Variants in TSC2 observed in about 807,000 individuals in gnomAD.
The protein encoded by TSC2 is TSC complex subunit 2, also known as tuberin.
Under a neutral mutation model 202.2 loss-of-function variants are expected in TSC2, and 29 were observed. The ratio of observed to expected loss-of-function variants is 0.14; its 90% confidence interval spans 0.11 to 0.20. The LOEUF (loss-of-function observed/expected upper bound fraction) is 0.20. Ranked by LOEUF, TSC2 falls within the 10% of genes least tolerant of loss-of-function variation. The pLI, the probability that TSC2 is intolerant of heterozygous loss-of-function variation, is 1.00. For missense variants in TSC2, 2,429 were observed against 2,420.0 expected (o/e 1.00, Z -0.08); for synonymous variants, 1,349 against 1,044.0 (o/e 1.29, Z -5.63).
intron 21 of TSC2, 29 bp downstream of exon 21, chr16:2,073,012 T>C: frequency 6.2e-7 from 1 of 1,613,014 alleles, no homozygotes; most frequent in Non-Finnish European, 8.5e-7. Context: ...ACAGGCGAGC[T>C]TGATGGGGCC....
intron 14 of TSC2, 179 bp from the exon 15 acceptor site, chr16:2,064,093 G>A: frequency 1.0e-6 from 1 of 971,974 alleles, no homozygotes; most frequent in Non-Finnish European, 1.6e-6. Context: ...AGGATCCCTG[G>A]AAGGGGCCCC....
At chr16:2,059,338 CTTT>C (rs1180610775) in intron 10 of TSC2, among the ~76,000 whole-genome samples, 3 of 124,692 alleles carry the variant, frequency 2.4e-5, no homozygotes, top group Non-Finnish European at 5.1e-5. Flanking sequence ...TTCTCTCTCT[CTTT>C]TTTTTTTTTT....
rs768160843 is a variant in TSC2, at chr16:2,083,744, G to T, written c.3933G>T (p.Leu1311=). The T allele has an allele frequency of 1.5e-5, 24 of 1,606,708 alleles. No individual in the cohort carries two copies. Among genetic ancestry groups the T allele is most frequent in the Non-Finnish European group, 2.0e-5 (23 of 1,177,778 alleles). The change falls in exon 33 of 42, where the codon CTG becomes CTT. Residue 1311 remains leucine (L), a synonymous_variant. Coordinates refer to ENST00000219476, the MANE Select transcript of TSC2 (RefSeq NM_000548.5). ...GAAGTCCGGGCGAGGTTCCTGTGCT[G>T]GTGGAGCCCCCAGGGTTGGAGGACG... is the stretch of plus-strand genomic sequence containing the variant. ...EEGSPGEVPV[L]VEPPGLEDVE...
chr16:2,067,955 C>G (rs548042416), intron 16 of TSC2, among the ~76,000 whole-genome samples: 67 of 152,184 alleles, frequency 4.4e-4, no homozygotes, highest in Admixed American at 7.2e-4. Flanking sequence ...TTACTTGGAA[C>G]TCCAGCCCTG....
intron 5 of TSC2, chr16:2,054,698 T>G: frequency 1.8e-6 from 1 of 556,604 alleles, no homozygotes; most frequent in Non-Finnish European, 3.2e-6. Flanking sequence ...CGAACACCTC[T>G]GCAACGGCAG....
intron 20 of TSC2, chr16:2,072,564 G>T (rs192900837): frequency 8.0e-6 from 7 of 874,952 alleles, no homozygotes; most frequent in African/African-American, 5.1e-5. Context: ...TGGGACTGAC[G>T]TCAGAGGTCC....
intron 3 of TSC2, among the ~76,000 whole-genome samples, chr16:2,051,934 G>A (rs1056260288): frequency 1.3e-5 from 2 of 152,026 alleles, no homozygotes; most frequent in African/African-American, 4.8e-5. Context: ...GCATGGTGTC[G>A]GGCACCTGTA....
chr16:2,074,203 G>A lies in TSC2; in HGVS notation c.2359G>A (p.Glu787Lys), dbSNP rs45517231. ...HNYLDKTKQR[E>K]MVYCLEQGLI... Reference sequence around the variant, plus strand: ...TGAGGTGTCCTGTCTCCTGCAGCGCGAGATGGTCTACTGCCTGGAGCAGGG... The same window carrying A: ...TGAGGTGTCCTGTCTCCTGCAGCGCAAGATGGTCTACTGCCTGGAGCAGGG... The change falls in exon 22 of 42, where the codon GAG becomes AAG. Residue 787 changes from glutamate to lysine, a missense_variant. Coordinates refer to ENST00000219476, the MANE Select transcript of TSC2 (RefSeq NM_000548.5). 2 of 1,611,246 alleles carry A rather than the reference G, an allele frequency of 1.2e-6. No homozygotes were observed. Among genetic ancestry groups the A allele is most frequent in the East Asian group, 2.2e-5 (1 of 44,890 alleles).
chr16:2,062,101 CA>C, intron 12 of TSC2, 93 bp downstream of exon 12: 2 of 1,573,282 alleles, frequency 1.3e-6, no homozygotes, highest in Non-Finnish European at 1.7e-6. Context: ...CCTCAGAAGC[CA>C]AGGGCCAGGT....
chr16:2,086,169 C>T lies in TSC2; in HGVS notation c.4663-24C>T, dbSNP rs374737115. On this transcript the variant is annotated intron_variant, in intron 36 of 41. Transcript: ENST00000219476. ...GGGCCCGGCCCGGGAGTGATGCCACCCTGCCTCTCCCCTCTCCCCACAGAG... is the reference window on the plus strand; with the variant it reads ...GGGCCCGGCCCGGGAGTGATGCCACTCTGCCTCTCCCCTCTCCCCACAGAG... 21 of 1,612,116 alleles carry T rather than the reference C, an allele frequency of 1.3e-5. No individual in the cohort carries two copies. In the African/African-American group the frequency reaches 2.1e-4, roughly 16 times the overall value.
chr16:2,082,540 G>A lies in TSC2; in HGVS notation c.3883+36G>A, dbSNP rs2090273102. ...TCAGAGGGAAGCGGTTGGCTGCAGA[G>A]CGCCACTCTGCCTCATAGGTGCTGT... On this transcript the variant is annotated intron_variant, in intron 32 of 41. Coordinates refer to ENST00000219476, the MANE Select transcript of TSC2 (RefSeq NM_000548.5). The A allele has an allele frequency of 2.5e-6, 4 of 1,603,782 alleles. No homozygotes were observed. The South Asian group carries it at 3.3e-5, about 13-fold the overall frequency.
chr16:2,076,390 G>A (rs923888099), intron 24 of TSC2, 101 bp from the exon 25 acceptor site: 2 of 1,587,828 alleles, frequency 1.3e-6, no homozygotes, highest in African/African-American at 2.7e-5. Context: ...CTTGCCCCTA[G>A]CCTGCAGCTT....
intron 22 of TSC2, chr16:2,074,631 C>G (rs1429772140): frequency 1.7e-6 from 1 of 579,726 alleles, no homozygotes; most frequent in Non-Finnish European, 3.1e-6. Context: ...AGCCTCTTCC[C>G]CCCCGAGCAG....
intron 16 of TSC2, chr16:2,068,468 A>C (rs2087715656): frequency 6.6e-6 from 1 of 152,248 alleles, no homozygotes; most frequent in Admixed American, 6.5e-5. Flanking sequence ...AAACTTTACC[A>C]ACAGCCCTCT....
In TSC2 at chr16:2,072,880, G is replaced by A. The variant is rs749593050; in HGVS notation, c.2252G>A (p.Arg751Gln). 6.8e-6 allele frequency: 11 copies of A among 1,613,452 alleles called. No individual in the cohort carries two copies. The highest frequency in any genetic ancestry group is 5.0e-5 in the Admixed American group (3 of 60,004). Residue 751 changes from arginine (R) to glutamine (Q), a missense_variant, in exon 21 of 42, where the codon CGA becomes CAA. Transcript: ENST00000219476. ...LSGPKTLERL[R>Q]GAPEGFSRTD... ...GGCCCAAAGACACTGGAGCGGCTCC[G>A]AGGCGCCCCAGAAGGCTTCTCCAGA...
At position 2,089,091 on chromosome 16, in the gene TSC2, C is replaced by CA. The variant is rs1420343599; in HGVS notation, c.*482dup. On this transcript the variant is annotated 3_prime_UTR_variant, in exon 42 of 42. Transcript: ENST00000219476. Reference sequence around the variant, plus strand: ...CCTCTGGGGTGATGAGAGTGCCTGGCAGACAGCTGTGCCCCCAGCACCGGC... The same window carrying CA: ...CCTCTGGGGTGATGAGAGTGCCTGGCAAGACAGCTGTGCCCCCAGCACCGGC... 5.7e-6 allele frequency: 1 copy of CA among 176,918 alleles called. No homozygotes were observed. Among genetic ancestry groups the CA allele is most frequent in the Non-Finnish European group, 1.2e-5 (1 of 82,666 alleles). 11.0% of individuals were successfully genotyped at this position (176,918 alleles called of 1,614,324 possible).
At chr16:2,050,314 G>T in intron 2 of TSC2, 86 bp from the exon 3 acceptor site, 2 of 1,226,834 alleles carry the variant, frequency 1.6e-6, no homozygotes, top group Non-Finnish European at 1.2e-6. Flanking sequence ...AAAATGCAGT[G>T]GGAGTCTTTA....
intron 37 of TSC2, 62 bp from the exon 38 acceptor site, chr16:2,086,670 T>A (rs536059968): frequency 1.3e-6 from 2 of 1,599,804 alleles, no homozygotes; most frequent in East Asian, 4.5e-5. Context: ...GGTGCCCCAG[T>A]GCAAGGCACA....
At chr16:2,050,308 T>C in intron 2 of TSC2, 92 bp from the exon 3 acceptor site, 1 of 1,184,134 alleles carries the variant, frequency 8.4e-7, no homozygotes, top group East Asian at 2.3e-5. Flanking sequence ...GTCTGGAAAA[T>C]GCAGTGGGAG....
Sources: allele counts gnomAD v4.1 joint callset (sites outside exome capture counted in the v4.1 genomes callset), GRCh38; gene constraint gnomAD v4.1.1; transcripts MANE v1.5; gene names NCBI Gene and HGNC (gene_info 2026-07-23, HGNC 2026-07-21).